The following SEMA6D variants were observed in gnomAD, a reference collection of about 807,000 sequenced individuals.
SEMA6D encodes semaphorin 6D.
Under a neutral mutation model 106.6 loss-of-function variants are expected in SEMA6D, and 35 were observed. That is an observed-to-expected ratio of 0.33 (90% CI 0.25 to 0.44). The LOEUF (loss-of-function observed/expected upper bound fraction) is 0.44, where lower values mean the gene tolerates loss of function less well. SEMA6D is among the 20% of genes least tolerant of loss of function. SEMA6D has a pLI of 1.00. For synonymous variants in SEMA6D, 499 were observed against 487.7 expected (o/e 1.02, Z -0.31); for missense variants, 1,185 against 1,345.9 (o/e 0.88, Z 1.87).
At chr15:47,250,714 A>T (rs536647568) in intron 1 of SEMA6D, among the ~76,000 whole-genome samples, 20 of 152,352 alleles carry the variant, frequency 1.3e-4, no homozygotes, top group South Asian at 4.1e-4. Flanking sequence ...TGTGCCGTAG[A>T]AAGTGGAATG....
At chr15:47,305,681 A>G (rs2036204547) in intron 1 of SEMA6D, among the ~76,000 whole-genome samples, 1 of 152,184 alleles carries the variant, frequency 6.6e-6, no homozygotes, top group Non-Finnish European at 1.5e-5. Flanking sequence ...GAATGTCCCT[A>G]TCTTGCCAAT....
chr15:47,302,854 G>T (rs903969966), intron 1 of SEMA6D, among the ~76,000 whole-genome samples: 1 of 152,128 alleles, frequency 6.6e-6, no homozygotes, highest in African/African-American at 2.4e-5. Flanking sequence ...TTATACTTCT[G>T]AACTACAGAG....
intron 4 of SEMA6D, among the ~76,000 whole-genome samples, chr15:47,693,807 A>G (rs1028921431): frequency 6.6e-6 from 1 of 152,086 alleles, no homozygotes; most frequent in African/African-American, 2.4e-5. Flanking sequence ...ATGGTGGCTC[A>G]TTCATACCTG....
At chr15:47,348,727 C>CCACACACAGAGAGAGAGAGAG (rs1555425939) in intron 1 of SEMA6D, among the ~76,000 whole-genome samples, 10 of 57,052 alleles carry the variant, frequency 1.8e-4, no homozygotes, top group African/African-American at 4.5e-4. Context: ...ACCACACACA[C>CCACACACAGAGAGAGAGAGAG]AGAGAGAGAG....
chr15:47,753,731 A>C (rs1333247570), intron 1 of SEMA6D, among the ~76,000 whole-genome samples: 1 of 152,194 alleles, frequency 6.6e-6, no homozygotes, highest in Non-Finnish European at 1.5e-5. Flanking sequence ...ATCAGGTAAA[A>C]GAGAGGAGGA....
At chr15:47,322,566 A>G (rs567302365) in intron 1 of SEMA6D, among the ~76,000 whole-genome samples, 1 of 152,328 alleles carries the variant, frequency 6.6e-6, no homozygotes, top group South Asian at 2.1e-4. Context: ...TATCGGGGAT[A>G]CATGATGGCT....
intron 4 of SEMA6D, among the ~76,000 whole-genome samples, chr15:47,655,303 G>A (rs1035444851): frequency 7.2e-5 from 11 of 152,212 alleles, no homozygotes; most frequent in African/African-American, 1.7e-4. Flanking sequence ...GCCTGGGCCA[G>A]CTTTGGACAT....
chr15:47,438,158 C>G (rs1171351405), intron 2 of SEMA6D, among the ~76,000 whole-genome samples: 1 of 152,102 alleles, frequency 6.6e-6, no homozygotes, highest in African/African-American at 2.4e-5. Flanking sequence ...TGACACCTCT[C>G]TTCTTTCACA....
chr15:47,343,184 C>T (rs922934406), intron 1 of SEMA6D, among the ~76,000 whole-genome samples: 5 of 151,750 alleles, frequency 3.3e-5, no homozygotes, highest in African/African-American at 1.2e-4. Flanking sequence ...TTTTTTGCCA[C>T]ATCCATTTAA....
chr15:47,653,584 C>G (rs1477521418), intron 4 of SEMA6D, among the ~76,000 whole-genome samples: 29 of 152,210 alleles, frequency 1.9e-4, no homozygotes, highest in Admixed American at 1.9e-3. Context: ...CTTAGAGACC[C>G]AGAGCCATTG....
At chr15:47,259,107 T>A (rs767386962) in intron 1 of SEMA6D, among the ~76,000 whole-genome samples, 37 of 152,312 alleles carry the variant, frequency 2.4e-4, no homozygotes, top group Admixed American at 3.9e-4. Context: ...TTGGTTTACG[T>A]CCTTATATCT....
chr15:47,766,580 G>C, intron 15 of SEMA6D, 36 bp from the exon 16 acceptor site: 1 of 1,608,616 alleles, frequency 6.2e-7, no homozygotes, highest in African/African-American at 1.3e-5. Flanking sequence ...TATGAAGGCT[G>C]TTAACCGAAG....
intron 1 of SEMA6D, among the ~76,000 whole-genome samples, chr15:47,293,669 C>T (rs1448021971): frequency 1.3e-5 from 2 of 152,168 alleles, no homozygotes; most frequent in Non-Finnish European, 2.9e-5. Flanking sequence ...CTTGTTTAGT[C>T]TATGATGGCA....
intron 1 of SEMA6D, among the ~76,000 whole-genome samples, chr15:47,242,649 AG>A: frequency 6.6e-6 from 1 of 152,312 alleles, no homozygotes; most frequent in Admixed American, 6.5e-5. Flanking sequence ...CAGTTTGCTC[AG>A]GGGGTTGAAG....
intron 2 of SEMA6D, among the ~76,000 whole-genome samples, chr15:47,452,320 C>CA (rs145049200): frequency 0.015 from 1,717 of 114,442 alleles, 6 homozygotes; most frequent in Admixed American, 0.028. Context: ...GTTTATCAAC[C>CA]AAAAAAAAAA....
At chr15:47,533,847 A>G (rs2045060494) in intron 3 of SEMA6D, among the ~76,000 whole-genome samples, 1 of 152,190 alleles carries the variant, frequency 6.6e-6, no homozygotes, top group Non-Finnish European at 1.5e-5. Flanking sequence ...GGCTTGTGCA[A>G]CTCACGCTGA....
chr15:47,200,935 G>A (rs1259743282), intron 1 of SEMA6D, among the ~76,000 whole-genome samples: 1 of 152,156 alleles, frequency 6.6e-6, no homozygotes, highest in Non-Finnish European at 1.5e-5. Context: ...TTTCACCAGA[G>A]CTGCGTGGTT....
At chr15:47,211,155 T>TTG (rs1201566910) in intron 1 of SEMA6D, among the ~76,000 whole-genome samples, 1 of 152,168 alleles carries the variant, frequency 6.6e-6, no homozygotes, top group Non-Finnish European at 1.5e-5. Flanking sequence ...CCATCATCTA[T>TTG]CTATACTCTC....
intron 1 of SEMA6D, chr15:47,730,327 T>G: frequency 6.7e-7 from 1 of 1,483,604 alleles, no homozygotes; most frequent in Non-Finnish European, 9.3e-7. Context: ...AGTTCACCTG[T>G]GTGAAGGCCA....
Sources: allele counts gnomAD v4.1 joint callset (sites outside exome capture counted in the v4.1 genomes callset), GRCh38; gene constraint gnomAD v4.1.1; transcripts MANE v1.5; gene names NCBI Gene and HGNC (gene_info 2026-07-23, HGNC 2026-07-21).